The following LONP2 variants were observed in gnomAD, a reference collection of about 807,000 sequenced individuals.
The protein encoded by LONP2 is lon protease homolog 2, peroxisomal.
In LONP2, 60 loss-of-function variants were observed where a neutral mutation model predicts 85.6. That is an observed-to-expected ratio of 0.70 (90% CI 0.57 to 0.87). The LOEUF (loss-of-function observed/expected upper bound fraction) is 0.87, where lower values mean the gene tolerates loss of function less well. Among genes scored for constraint, LONP2 ranks in the 40% least tolerant of loss-of-function variants. The pLI, the probability that LONP2 is intolerant of heterozygous loss-of-function variation, is 0.00. For synonymous variants in LONP2, 395 were observed against 389.7 expected (o/e 1.01, Z -0.16); for missense variants, 860 against 1,063.5 (o/e 0.81, Z 2.66).
chr16:48,260,810 C>T (rs971719542), intron 4 of LONP2, among the ~76,000 whole-genome samples: 2 of 152,182 alleles, frequency 1.3e-5, no homozygotes, highest in East Asian at 1.9e-4. Context: ...GAACAGATGC[C>T]GAAGGCTCAC....
At position 48,362,598 on chromosome 16, in the gene LONP2, T is replaced by A; in HGVS notation, c.*735T>A. ...AGATATTAAAAAAATAAAATTACAC[T>A]GAATGTGCACTTTATTAGGATCTGT... is the stretch of plus-strand genomic sequence containing the variant. On this transcript the variant is annotated 3_prime_UTR_variant, in exon 5 of 5. Coordinates refer to the LONP2 transcript ENST00000565867. The surrounding 1 kb of genome is among the most constrained non-coding windows in gnomAD (Gnocchi z 4.2). 1.5e-6 allele frequency: 1 copy of A among 670,758 alleles called. No homozygotes were observed. Among genetic ancestry groups the A allele is most frequent in the Non-Finnish European group, 2.5e-6 (1 of 394,632 alleles). The allele number at this position is 670,758 out of a possible 1,614,324, so 41.6% of individuals were successfully genotyped here.
At chr16:48,305,734 T>C (rs778705594) in intron 11 of LONP2, among the ~76,000 whole-genome samples, 7 of 152,224 alleles carry the variant, frequency 4.6e-5, no homozygotes, top group Non-Finnish European at 8.8e-5. Flanking sequence ...AGGTTTCTGC[T>C]TTCTCTAGCC....
At chr16:48,255,667 C>T (rs188836832) in intron 2 of LONP2, among the ~76,000 whole-genome samples, 147 of 151,910 alleles carry the variant, frequency 9.7e-4, no homozygotes, top group Admixed American at 2.2e-3. Context: ...GGGGGCGGTG[C>T]CAGGTGTAGA....
At chr16:48,357,787 G>A (rs894698816), downstream of LONP2, among the ~76,000 whole-genome samples, 4 of 152,162 alleles carry the variant, frequency 2.6e-5, no homozygotes, top group Non-Finnish European at 5.9e-5. Context: ...GCTATCTACA[G>A]CCACTTACAT....
chr16:48,258,074 G>A (rs1271716996), intron 3 of LONP2, among the ~76,000 whole-genome samples: 6 of 152,288 alleles, frequency 3.9e-5, no homozygotes, highest in South Asian at 2.1e-4. Flanking sequence ...TCGGCCGGGC[G>A]CAGTGGCCCA....
At chr16:48,325,950 C>T (rs1208858834) in intron 11 of LONP2, among the ~76,000 whole-genome samples, 1 of 152,150 alleles carries the variant, frequency 6.6e-6, no homozygotes, top group Non-Finnish European at 1.5e-5. Flanking sequence ...TAGGTTGGGA[C>T]AAAAAGTGTC....
chr16:48,284,599 T>C (rs780182220), intron 8 of LONP2, among the ~76,000 whole-genome samples: 16 of 152,220 alleles, frequency 1.1e-4, no homozygotes, highest in Non-Finnish European at 1.9e-4. Context: ...TATTTGTTAA[T>C]TAAGGCATGT....
At chr16:48,334,968 T>C (rs993420105) in intron 12 of LONP2, 1 of 294,842 alleles carries the variant, frequency 3.4e-6, no homozygotes, top group Non-Finnish European at 6.7e-6. Context: ...TTCCAGAGGC[T>C]GAATTTTGCC....
At chr16:48,339,897 G>C (rs1012836971) in intron 12 of LONP2, among the ~76,000 whole-genome samples, 1 of 152,170 alleles carries the variant, frequency 6.6e-6, no homozygotes, top group Non-Finnish European at 1.5e-5. Flanking sequence ...CGAGCTAGAA[G>C]GATAAGAAAT....
intron 1 of LONP2, among the ~76,000 whole-genome samples, chr16:48,247,075 A>G (rs192855817): frequency 9.2e-5 from 14 of 152,418 alleles, no homozygotes; most frequent in Non-Finnish European, 2.1e-4. Flanking sequence ...GTCCGGCATT[A>G]TAAGAACTCA....
intron 8 of LONP2, among the ~76,000 whole-genome samples, chr16:48,280,098 A>G (rs1362618101): frequency 6.6e-6 from 1 of 152,180 alleles, no homozygotes; most frequent in East Asian, 1.9e-4. Context: ...CAGTTTTGCT[A>G]CTTTTTATTG....
rs1478583790 is a variant in LONP2 at position 48,256,642 on chromosome 16, A to G, written c.501A>G (p.Ala167=). The change falls in exon 3 of 15, where the codon GCA becomes GCG. Residue 167 remains alanine (A), a synonymous_variant. Coordinates refer to ENST00000285737, the MANE Select transcript of LONP2 (RefSeq NM_031490.5). ...LVEMLDMSVP[A]VAKLRRLLDS... is the part of the protein sequence containing the mutation. Reference sequence around the variant, plus strand: ...AAATGTTGGATATGTCTGTCCCTGCAGTTGCTAAATTGAGACGTCTTTTAG... The same window carrying G: ...AAATGTTGGATATGTCTGTCCCTGCGGTTGCTAAATTGAGACGTCTTTTAG... The G allele has an allele frequency of 2.5e-6, 4 of 1,613,738 alleles. No individual in the cohort carries two copies. Among genetic ancestry groups the G allele is most frequent in the African/African-American group, 2.7e-5 (2 of 74,928 alleles).
At chr16:48,257,575 G>A (rs1043798134) in intron 3 of LONP2, among the ~76,000 whole-genome samples, 1 of 151,964 alleles carries the variant, frequency 6.6e-6, no homozygotes, top group African/African-American at 2.4e-5. Context: ...TCCCCAAACT[G>A]TAATACTTTA....
chr16:48,360,190 G>C (rs1960525505), downstream of LONP2, among the ~76,000 whole-genome samples: 1 of 152,250 alleles, frequency 6.6e-6, no homozygotes, highest in Non-Finnish European at 1.5e-5. Flanking sequence ...CTGGCACTTA[G>C]GTGCCTGGAA....
chr16:48,253,685 G>T (rs967826588), intron 2 of LONP2, among the ~76,000 whole-genome samples: 2 of 152,078 alleles, frequency 1.3e-5, no homozygotes, highest in Non-Finnish European at 2.9e-5. Flanking sequence ...TAGCTTCATA[G>T]CCTCTTTTGC....
At chr16:48,347,484 C>G (rs190260424) in intron 12 of LONP2, 23 bp from the exon 13 acceptor site, 11 of 1,613,766 alleles carry the variant, frequency 6.8e-6, no homozygotes, top group Admixed American at 3.3e-5. Context: ...CAACCCAACT[C>G]TGATCATTCT....
At chr16:48,261,358 G>GT in intron 4 of LONP2, 66 bp from the exon 5 acceptor site, 1 of 1,196,082 alleles carries the variant, frequency 8.4e-7, no homozygotes, top group South Asian at 1.6e-5. Flanking sequence ...AATCTTATGT[G>GT]TACCTGGGTA....
At chr16:48,288,394 C>A (rs892239487) in intron 8 of LONP2, among the ~76,000 whole-genome samples, 1 of 152,058 alleles carries the variant, frequency 6.6e-6, no homozygotes, top group African/African-American at 2.4e-5. Flanking sequence ...ACCTCGTGAT[C>A]CATCCGCCTC....
In LONP2 at chr16:48,353,511, A is replaced by G. The variant is rs1419491971; in HGVS notation, c.*1709A>G. The G allele has an allele frequency of 6.5e-6, 1 of 154,184 alleles. No homozygotes were observed. The highest frequency in any genetic ancestry group is 1.4e-5 in the Non-Finnish European group (1 of 69,794). 9.6% of individuals were successfully genotyped at this position (154,184 alleles called of 1,614,324 possible). ...GACCCTGTCTCAAAAAAAAAAAAAA[A>G]AAAAAAGATTGGGCCAAAATACTGT... is the stretch of plus-strand genomic sequence containing the variant. On this transcript the variant is annotated 3_prime_UTR_variant, in exon 15 of 15. Transcript: ENST00000285737.
Sources: allele counts gnomAD v4.1 joint callset (sites outside exome capture counted in the v4.1 genomes callset), GRCh38; gene constraint gnomAD v4.1.1; non-coding constraint Gnocchi (gnomAD v3.1); transcripts MANE v1.5; gene names NCBI Gene and HGNC (gene_info 2026-07-23, HGNC 2026-07-21).